The following SUPT3H variants were observed in gnomAD, a reference collection of about 807,000 sequenced individuals.
The protein encoded by SUPT3H is transcription initiation protein SPT3 homolog.
In SUPT3H, 44 loss-of-function variants were observed where a neutral mutation model predicts 44.3. The ratio of observed to expected loss-of-function variants is 0.99; its 90% CI spans 0.78 to 1.28. SUPT3H has a LOEUF of 1.28. Ranked by LOEUF, SUPT3H falls within the 50% of genes most tolerant of loss-of-function variation. The probability of loss-of-function intolerance (pLI) is 0.00; values close to 1 mark genes in which losing one functional copy is unlikely to be tolerated. For missense variants in SUPT3H, 380 were observed against 387.1 expected (o/e 0.98, Z 0.15); for synonymous variants, 124 against 125.6 (o/e 0.99, Z 0.09).
intron 9 of SUPT3H, among the ~76,000 whole-genome samples, chr6:44,944,409 A>C (rs1562101133): frequency 6.6e-6 from 1 of 152,120 alleles, no homozygotes; most frequent in African/African-American, 2.4e-5. Context: ...AAGTTACCCT[A>C]TATCTGACCA....
chr6:45,250,711 C>A (rs1022561420), intron 2 of SUPT3H, among the ~76,000 whole-genome samples: 5 of 152,038 alleles, frequency 3.3e-5, no homozygotes, highest in African/African-American at 1.2e-4. Flanking sequence ...ACACCCATCT[C>A]ACAGCACAGT....
In SUPT3H at chr6:45,020,531, A is replaced by G; in HGVS notation, c.273+15T>C. 6.3e-7 allele frequency: 1 copy of G among 1,594,784 alleles called. No homozygotes were observed. Among genetic ancestry groups the G allele is most frequent in the Non-Finnish European group, 8.6e-7 (1 of 1,166,808 alleles). On this transcript the variant is annotated intron_variant, in intron 4 of 10. Transcript: ENST00000371459. ...AAAACGTGGATTTTAATACAATAAA[A>G]TTATGTTATATTACCTTATCTTTGC...
At chr6:45,200,625 T>C (rs1372866646) in intron 2 of SUPT3H, among the ~76,000 whole-genome samples, 3 of 151,490 alleles carry the variant, frequency 2.0e-5, no homozygotes, top group Non-Finnish European at 4.4e-5. Flanking sequence ...CCTTTCACTT[T>C]AGAGACAATA....
At chr6:45,230,686 A>ATATATATTTTTT (rs796866510) in intron 2 of SUPT3H, among the ~76,000 whole-genome samples, 7 of 116,796 alleles carry the variant, frequency 6.0e-5, no homozygotes, top group African/African-American at 2.2e-4. Context: ...ATATATATAT[A>ATATATATTTTTT]TTTTTGAGAT....
chr6:45,337,060 A>T (rs184403565), intron 2 of SUPT3H, among the ~76,000 whole-genome samples: 142 of 151,840 alleles, frequency 9.4e-4, no homozygotes, highest in African/African-American at 3.1e-3. Flanking sequence ...CTACATAGCA[A>T]CAATAATATA....
rs1472788660 is a variant in SUPT3H at position 45,141,208 on chromosome 6, C to T, written c.102-35202G>A. Among the ~76,000 whole-genome samples, 4 of 151,754 alleles carry T rather than the reference C, an allele frequency of 2.6e-5. No individual in the cohort carries two copies. In the East Asian group the frequency reaches 7.8e-4, roughly 30 times the overall value. ...TATAAAAATTAGCCAGGTGTTGTGG[C>T]ACATGCCTGTAATCCCAGCTACTCA... On this transcript the variant is annotated intron_variant, in intron 2 of 10. Coordinates refer to ENST00000371459, the MANE Select transcript of SUPT3H (RefSeq NM_003599.4).
rs144570725 is a variant in SUPT3H, at chr6:45,315,330, CA to C, written c.101+49870del. On this transcript the variant is annotated intron_variant, in intron 2 of 10. Coordinates refer to ENST00000371459, the MANE Select transcript of SUPT3H (RefSeq NM_003599.4). ...TTTGCATGGCAAAAGGAACAATCAGCAAAGTAAACTGACAACCCACAGAGTT... is the reference window on the plus strand; with the variant it reads ...TTTGCATGGCAAAAGGAACAATCAGCAAGTAAACTGACAACCCACAGAGTT... Among the ~76,000 whole-genome samples the C allele has an allele frequency of 8.6e-3, 1,301 of 152,132 alleles. 19 individuals are homozygous for C. Among genetic ancestry groups the C allele is most frequent in the African/African-American group, 0.029 (1,222 of 41,500 alleles).
At chr6:44,813,413 T>C (rs1405999302) in intron 11 of SUPT3H, among the ~76,000 whole-genome samples, 1 of 152,084 alleles carries the variant, frequency 6.6e-6, no homozygotes, top group Admixed American at 6.6e-5. Context: ...CTTGAAATCC[T>C]GGGCTCAAGA....
At chr6:45,372,096 A>T (rs915495878) in intron 1 of SUPT3H, 2 of 875,442 alleles carry the variant, frequency 2.3e-6, no homozygotes, top group Non-Finnish European at 2.7e-6. Flanking sequence ...TGTGTTGTGA[A>T]ATATTAATAT....
intron 2 of SUPT3H, among the ~76,000 whole-genome samples, chr6:45,332,403 G>A (rs973262664): frequency 6.6e-6 from 1 of 151,186 alleles, no homozygotes; most frequent in African/African-American, 2.4e-5. Context: ...AAATCCAATG[G>A]GACTATATTA....
chr6:45,143,297 G>A (rs892778605), intron 2 of SUPT3H, among the ~76,000 whole-genome samples: 8 of 152,066 alleles, frequency 5.3e-5, no homozygotes, highest in African/African-American at 1.7e-4. Context: ...GAGACCATAT[G>A]ATAGGCCACA....
chr6:44,859,265 G>A (rs73438885), intron 10 of SUPT3H, among the ~76,000 whole-genome samples: 4,558 of 152,268 alleles, frequency 0.03, 203 homozygotes, highest in African/African-American at 0.1. Context: ...CCAAAGCTAT[G>A]TAAGGCAAAT....
chr6:45,259,248 A>C (rs1773939703), intron 2 of SUPT3H, among the ~76,000 whole-genome samples: 1 of 152,072 alleles, frequency 6.6e-6, no homozygotes, highest in Non-Finnish European at 1.5e-5. Flanking sequence ...TTTTTAAAAA[A>C]TTCTTTTCAA....
chr6:45,375,769 GTTTT>G (rs1582027129), intron 1 of SUPT3H, among the ~76,000 whole-genome samples: 1 of 151,052 alleles, frequency 6.6e-6, no homozygotes, highest in African/African-American at 2.4e-5. Flanking sequence ...ACCTATAAAG[GTTTT>G]TTATTTGTTC....
intron 9 of SUPT3H, among the ~76,000 whole-genome samples, chr6:44,937,838 C>A (rs926267425): frequency 6.6e-6 from 1 of 150,720 alleles, no homozygotes; most frequent in Non-Finnish European, 1.5e-5. Context: ...GGCTGTTAGT[C>A]CCCTGTCGGA....
At chr6:45,177,367 GA>G (rs1472638773) in intron 2 of SUPT3H, among the ~76,000 whole-genome samples, 2 of 152,078 alleles carry the variant, frequency 1.3e-5, no homozygotes, top group African/African-American at 2.4e-5. Context: ...GAAGTTTAGA[GA>G]AAAAAGAATA....
At chr6:45,046,526 T>C (rs983179230) in intron 3 of SUPT3H, among the ~76,000 whole-genome samples, 22 of 152,276 alleles carry the variant, frequency 1.4e-4, no homozygotes, top group African/African-American at 5.3e-4. Context: ...AGAGGAAGTT[T>C]CACCATGTTG....
chr6:44,883,611 T>C (rs931839614), intron 10 of SUPT3H, among the ~76,000 whole-genome samples: 2 of 152,172 alleles, frequency 1.3e-5, no homozygotes, highest in African/African-American at 4.8e-5. Flanking sequence ...GGTATCAAAA[T>C]TGTAACTATA....
chr6:44,978,491 T>A (rs1420033614), intron 6 of SUPT3H, among the ~76,000 whole-genome samples: 1 of 152,150 alleles, frequency 6.6e-6, no homozygotes, highest in Non-Finnish European at 1.5e-5. Flanking sequence ...ACAAGTATAC[T>A]ACAAACAGTT....
Sources: gnomAD v4.1 joint callset for allele counts (sites outside exome capture counted in the v4.1 genomes callset) on GRCh38, gnomAD v4.1.1 for gene constraint, MANE v1.5 for transcripts, NCBI Gene and HGNC (gene_info 2026-07-23, HGNC 2026-07-21) for gene names.